RAB40B: variants seen among roughly 807,000 people sequenced by gnomAD.
RAB40B encodes the protein RAB40B, member RAS oncogene family.
A neutral mutation model predicts 24.0 loss-of-function variants in RAB40B; 21 were observed. That is an observed-to-expected ratio of 0.88 (90% CI 0.62 to 1.26). The LOEUF (loss-of-function observed/expected upper bound fraction) is 1.26, where lower values mean the gene tolerates loss of function less well. RAB40B is among the 50% of genes most tolerant of loss of function. The pLI is 0.00. For missense variants in RAB40B, 348 were observed against 390.5 expected (o/e 0.89, Z 0.92); for synonymous variants, 167 against 169.8 (o/e 0.98, Z 0.13).
chr17:82,683,557 G>A (rs1340188160), intron 1 of RAB40B, among the ~76,000 whole-genome samples: 1 of 152,184 alleles, frequency 6.6e-6, no homozygotes, highest in Non-Finnish European at 1.5e-5. Flanking sequence ...GGAGGCCGAG[G>A]TAGGATGATC....
intron 1 of RAB40B, among the ~76,000 whole-genome samples, chr17:82,666,593 C>T (rs1161440025): frequency 6.6e-6 from 1 of 152,030 alleles, no homozygotes; most frequent in Non-Finnish European, 1.5e-5. Flanking sequence ...CCCATCACCC[C>T]CCAGACACCA....
At chr17:82,693,940 A>G (rs2046583667) in intron 1 of RAB40B, among the ~76,000 whole-genome samples, 1 of 151,328 alleles carries the variant, frequency 6.6e-6, no homozygotes, top group Non-Finnish European at 1.5e-5. Flanking sequence ...AAAATTAGCC[A>G]GGCGTGGTGG....
At chr17:82,683,225 C>A (rs2046463082) in intron 1 of RAB40B, among the ~76,000 whole-genome samples, 1 of 152,078 alleles carries the variant, frequency 6.6e-6, no homozygotes. Context: ...TATAAAATTT[C>A]TAGAAGAAAA....
chr17:82,658,740 C>T, intron 4 of RAB40B, 27 bp from the exon 5 acceptor site: 1 of 1,583,622 alleles, frequency 6.3e-7, no homozygotes, highest in Non-Finnish European at 8.6e-7. Context: ...AGGCGAGGAG[C>T]ATGGGTTACT....
At position 82,659,634 on chromosome 17, in the gene RAB40B, A is replaced by G. The variant is rs1358426672; in HGVS notation, c.288T>C (p.Ile96=). 6.2e-7 allele frequency: 1 copy of G among 1,614,062 alleles called. No individual in the cohort carries two copies. The highest frequency in any genetic ancestry group is 8.5e-7 in the Non-Finnish European group (1 of 1,180,036). Residue 96 remains isoleucine (I), a synonymous_variant, in exon 4 of 6, where the codon ATT becomes ATC. Transcript: ENST00000571995. ...GAQGVILVYD[I]ANRWSFDGID... ...TGCCGTCAAAAGACCAGCGGTTCGC[A>G]ATGTCATAGACCAGGATCACACCCT...
Position 82,697,910 on chromosome 17 carries a change from C to A in RAB40B, c.142+545G>T, listed in dbSNP as rs939062121. Among the ~76,000 whole-genome samples the A allele has an allele frequency of 5.9e-5, 9 of 152,098 alleles. No individual in the cohort carries two copies. The highest frequency in any genetic ancestry group is 5.9e-4 in the Admixed American group (9 of 15,280). ...TCCCCCGGACACGCGGGACCCCTGG[C>A]CTCGGGACCGGACCCTGGTCTCCCC... On this transcript the variant is annotated intron_variant, in intron 1 of 5. Coordinates refer to ENST00000571995, the MANE Select transcript of RAB40B (RefSeq NM_006822.3). This position sits in a 1 kb window ranked among gnomAD's most constrained non-coding sequence, Gnocchi z 4.9.
At chr17:82,674,905 C>T (rs952896044) in intron 1 of RAB40B, among the ~76,000 whole-genome samples, 6 of 152,114 alleles carry the variant, frequency 3.9e-5, no homozygotes, top group Non-Finnish European at 5.9e-5. Flanking sequence ...ATAATCCTGA[C>T]GGCATCGTTC....
chr17:82,697,201 G>A lies in RAB40B; in HGVS notation c.142+1254C>T, dbSNP rs953524371. 7.9e-5 allele frequency among the ~76,000 whole-genome samples: 12 copies of A among 152,156 alleles called. No individual in the cohort carries two copies. In the East Asian group the frequency reaches 2.1e-3, roughly 27 times the overall value. ...CCGTCCCCTAAGCTGAGGTGTGGCC[G>A]GGCACCTGAGTCCCACCCCACGCTC... On this transcript the variant is annotated intron_variant, in intron 1 of 5. Coordinates refer to ENST00000571995, the MANE Select transcript of RAB40B (RefSeq NM_006822.3). This position sits in a 1 kb window ranked among gnomAD's most constrained non-coding sequence, Gnocchi z 4.9.
chr17:82,685,328 C>T (rs1044937650), intron 1 of RAB40B, among the ~76,000 whole-genome samples: 12 of 150,790 alleles, frequency 8.0e-5, no homozygotes, highest in South Asian at 4.2e-4. Flanking sequence ...AGACAGCACA[C>T]GCAGTGGTCC....
chr17:82,681,165 A>G (rs2046446357), intron 1 of RAB40B, among the ~76,000 whole-genome samples: 1 of 152,144 alleles, frequency 6.6e-6, no homozygotes, highest in African/African-American at 2.4e-5. Context: ...TAATATATTA[A>G]CTCAAAAAAC....
rs2046121563 is a variant in RAB40B, at chr17:82,658,726, A to T, written c.343-13T>A. ...CTCCGGGGGCATGCTAGCGGGCAGG[A>T]GAAAGGCGAGGAGCATGGGTTACTT... On this transcript the variant is annotated splice_polypyrimidine_tract_variant and intron_variant, in intron 4 of 5. Coordinates refer to ENST00000571995, the MANE Select transcript of RAB40B (RefSeq NM_006822.3). The T allele has an allele frequency of 6.2e-7, 1 of 1,601,872 alleles. No homozygotes were observed. The highest frequency in any genetic ancestry group is 8.5e-7 in the Non-Finnish European group (1 of 1,173,200).
In RAB40B at chr17:82,661,065, G is replaced by A; in HGVS notation, c.204-18C>T. On this transcript the variant is annotated intron_variant, in intron 2 of 5. Transcript: ENST00000571995. Reference sequence around the variant, plus strand: ...AAGTATCCCTGGAAAAGATGTTGGAGACCATTAAGAAGAAACCAGTGCTTC... The same window carrying A: ...AAGTATCCCTGGAAAAGATGTTGGAAACCATTAAGAAGAAACCAGTGCTTC... 6.2e-7 allele frequency: 1 copy of A among 1,613,600 alleles called. No individual in the cohort carries two copies. Among genetic ancestry groups the A allele is most frequent in the African/African-American group, 1.3e-5 (1 of 75,004 alleles).
At chr17:82,668,775 G>A (rs1188421308) in intron 1 of RAB40B, among the ~76,000 whole-genome samples, 1 of 152,250 alleles carries the variant, frequency 6.6e-6, no homozygotes, top group Non-Finnish European at 1.5e-5. Context: ...GTCTAGAGCT[G>A]CCCCAGGGCA....
At chr17:82,679,949 G>T (rs933765461) in intron 1 of RAB40B, among the ~76,000 whole-genome samples, 2 of 152,254 alleles carry the variant, frequency 1.3e-5, no homozygotes, top group African/African-American at 4.8e-5. Flanking sequence ...GGGGGATCAA[G>T]GCAGCCACAG....
chr17:82,666,152 C>T (rs995114818), intron 1 of RAB40B, among the ~76,000 whole-genome samples: 13 of 152,134 alleles, frequency 8.5e-5, no homozygotes, highest in Non-Finnish European at 1.8e-4. Flanking sequence ...CTGTGTTGCC[C>T]AGGCTGGTCA....
chr17:82,677,073 C>T (rs1030168875), intron 1 of RAB40B, among the ~76,000 whole-genome samples: 6 of 151,980 alleles, frequency 3.9e-5, no homozygotes, highest in African/African-American at 9.7e-5. Context: ...CTCAGCCTCC[C>T]GAGTAGCTGG....
chr17:82,667,409 C>A lies in RAB40B; in HGVS notation c.143-2853G>T, dbSNP rs1202577283. ...CCACTGATGCAGCCATGAGCACGTG[C>A]ATGGCACACCTGCCTGATCTGAGCA... On this transcript the variant is annotated intron_variant, in intron 1 of 5. Transcript: ENST00000571995. This position sits in a 1 kb window ranked among gnomAD's most constrained non-coding sequence, Gnocchi z 4.3. Among the ~76,000 whole-genome samples, 1 of 152,240 alleles carries A rather than the reference C, an allele frequency of 6.6e-6. No homozygotes were observed. Among genetic ancestry groups the A allele is most frequent in the Non-Finnish European group, 1.5e-5 (1 of 68,052 alleles).
Position 82,662,295 on chromosome 17 carries a change from C to A in RAB40B, c.204-1248G>T, listed in dbSNP as rs1473224661. The A allele has an allele frequency of 9.1e-6, 9 of 985,358 alleles. No individual in the cohort carries two copies. In the African/African-American group the frequency reaches 1.2e-4, roughly 13 times the overall value. 61.0% of individuals were successfully genotyped at this position (985,358 alleles called of 1,614,324 possible). On this transcript the variant is annotated intron_variant, in intron 2 of 5. Transcript: ENST00000571995. ...CTCAGCAGGACCTCAGGTGCTCAGGCTTTGCACACAGCGGGAGCTGCCCAA... is the reference window on the plus strand; with the variant it reads ...CTCAGCAGGACCTCAGGTGCTCAGGATTTGCACACAGCGGGAGCTGCCCAA...
intron 1 of RAB40B, among the ~76,000 whole-genome samples, chr17:82,689,481 A>C (rs777684363): frequency 1.3e-5 from 2 of 152,232 alleles, no homozygotes; most frequent in African/African-American, 2.4e-5. Context: ...GGGTTACAGA[A>C]GTAACAGGTC....
Sources: gnomAD v4.1 joint callset for allele counts (sites outside exome capture counted in the v4.1 genomes callset) on GRCh38, gnomAD v4.1.1 for gene constraint, Gnocchi (gnomAD v3.1) non-coding constraint, MANE v1.5 for transcripts, NCBI Gene and HGNC (gene_info 2026-07-23, HGNC 2026-07-21) for gene names.